ABCA4: variants seen among roughly 807,000 people sequenced by gnomAD.
ABCA4 encodes the protein retinal-specific phospholipid-transporting ATPase ABCA4.
In ABCA4, 196 loss-of-function variants were observed where a neutral mutation model predicts 263.7. That is an observed-to-expected ratio of 0.74 (90% CI 0.66 to 0.84). The LOEUF (loss-of-function observed/expected upper bound fraction) is 0.84, where lower values mean the gene tolerates loss of function less well. ABCA4 is among the 40% of genes least tolerant of loss of function. The pLI, the probability that ABCA4 is intolerant of heterozygous loss-of-function variation, is 0.00. For missense variants in ABCA4, 2,792 were observed against 2,855.1 expected (o/e 0.98, Z 0.50); for synonymous variants, 1,133 against 1,094.2 (o/e 1.04, Z -0.70).
At chr1:94,050,025 A>C (rs1660790680) in intron 17 of ABCA4, among the ~76,000 whole-genome samples, 1 of 152,198 alleles carries the variant, frequency 6.6e-6, no homozygotes, top group South Asian at 2.1e-4. Flanking sequence ...ATACAGGAGC[A>C]GGGCGAGATT....
At chr1:94,103,172 G>A (rs1211037419) in intron 4 of ABCA4, 30 bp from the exon 5 acceptor site, 1 of 1,612,670 alleles carries the variant, frequency 6.2e-7, no homozygotes, top group Middle Eastern at 1.7e-4. Context: ...AGAACAGGGT[G>A]TTGAAGGGGA....
chr1:94,053,553 A>G (rs1660895824), intron 16 of ABCA4, among the ~76,000 whole-genome samples: 1 of 152,238 alleles, frequency 6.6e-6, no homozygotes, highest in South Asian at 2.1e-4. Context: ...GGAGCAAGGT[A>G]GGCACCTAAT....
chr1:94,021,344 G>T lies in ABCA4; in HGVS notation c.4914C>A (p.Ile1638=), dbSNP rs778253491. Residue 1638 remains isoleucine (I), a synonymous_variant, in exon 35 of 50, where the codon ATC becomes ATA. Transcript: ENST00000370225. Reference sequence around the variant, plus strand: ...TGTCCTTAGGCAGGCTGGCCCGTAAGATGGCGTTGTGGGCCACATTGAGAA... The same window carrying T: ...TGTCCTTAGGCAGGCTGGCCCGTAATATGGCGTTGTGGGCCACATTGAGAA... ...VSFLNVAHNA[I]LRASLPKDRS... 6.2e-7 allele frequency: 1 copy of T among 1,614,232 alleles called. No homozygotes were observed. The highest frequency in any genetic ancestry group is 1.1e-5 in the South Asian group (1 of 91,080).
intron 11 of ABCA4, among the ~76,000 whole-genome samples, chr1:94,076,835 A>T (rs1661548650): frequency 6.6e-6 from 1 of 152,224 alleles, no homozygotes; most frequent in Non-Finnish European, 1.5e-5. Flanking sequence ...TAGTCCTCAG[A>T]GAGCCTGGAA....
intron 6 of ABCA4, among the ~76,000 whole-genome samples, chr1:94,096,568 G>C (rs1370195490): frequency 6.6e-6 from 1 of 152,128 alleles, no homozygotes; most frequent in Admixed American, 6.5e-5. Context: ...GGTAGCCCAG[G>C]GTTTGTGAAT....
intron 49 of ABCA4, 141 bp from the exon 50 acceptor site, chr1:93,993,383 C>T: frequency 9.5e-7 from 1 of 1,051,522 alleles, no homozygotes; most frequent in South Asian, 1.3e-5. Flanking sequence ...GTCAGATCAC[C>T]CAGGTTATGG....
At chr1:93,999,496 C>T (rs905196639) in intron 47 of ABCA4, among the ~76,000 whole-genome samples, 9 of 152,144 alleles carry the variant, frequency 5.9e-5, no homozygotes, top group African/African-American at 2.2e-4. Context: ...CTTCCTGAAA[C>T]AATGGAGCTG....
intron 21 of ABCA4, 55 bp downstream of exon 21, chr1:94,043,281 C>G (rs1660568514): frequency 1.2e-6 from 2 of 1,612,868 alleles, no homozygotes; most frequent in South Asian, 2.2e-5. Flanking sequence ...CCTGGGTGCA[C>G]TGGGGAGCCA....
intron 11 of ABCA4, among the ~76,000 whole-genome samples, chr1:94,068,536 C>T (rs1205064147): frequency 2.6e-5 from 4 of 152,138 alleles, no homozygotes; most frequent in Admixed American, 6.5e-5. Flanking sequence ...TACATAAGTA[C>T]GTTTGGGAGA....
At chr1:94,010,069 T>G (rs1659504576) in intron 40 of ABCA4, among the ~76,000 whole-genome samples, 1 of 152,212 alleles carries the variant, frequency 6.6e-6, no homozygotes, top group Non-Finnish European at 1.5e-5. Context: ...TTGGAATCTA[T>G]TTACAGGTGA....
rs1486373212 is a variant in ABCA4, at chr1:94,008,807, T to G, written c.5779A>C (p.Arg1927=). The G allele has an allele frequency of 6.2e-7, 1 of 1,613,932 alleles. No individual in the cohort carries two copies. ...EDDDVAEERQ[R]IITGGNKTDI... is the part of the protein sequence containing the mutation. ...GTTTTATTTCCACCAGTAATAATTC[T>G]TTGTCTTTCTTCAGCCACATCATCA... Residue 1927 remains arginine (R), a synonymous_variant, in exon 41 of 50, where the codon AGA becomes CGA. Transcript: ENST00000370225.
At position 94,080,660 on chromosome 1, in the gene ABCA4, T is replaced by C. The variant is rs1661669604; in HGVS notation, c.917A>G (p.Asn306Ser). The C allele has an allele frequency of 1.1e-5, 18 of 1,614,028 alleles. No individual in the cohort carries two copies. Among genetic ancestry groups the C allele is most frequent in the Non-Finnish European group, 1.4e-5 (17 of 1,180,044 alleles). Residue 306 changes from asparagine to serine, a missense_variant, in exon 8 of 50, where the codon AAT becomes AGT. Asn to Ser is a conservative substitution (Grantham distance 46, BLOSUM62 1). Coordinates refer to ENST00000370225, the MANE Select transcript of ABCA4 (RefSeq NM_000350.3). ...CTTTGTAAAGGTCTCTGGACCACCA[T>C]TCTGCATGAGGGGCCTGGTCACCCA... Reference protein sequence around the residue: ...LLWVTRPLMQNGGPETFTKLM... With the variant: ...LLWVTRPLMQSGGPETFTKLM...
At position 94,015,721 on chromosome 1, in the gene ABCA4, A is replaced by T. The variant is rs1176230117; in HGVS notation, c.5312+18T>A. 6.2e-7 allele frequency: 1 copy of T among 1,602,268 alleles called. No individual in the cohort carries two copies. Among genetic ancestry groups the T allele is most frequent in the African/African-American group, 1.3e-5 (1 of 74,616 alleles). On this transcript the variant is annotated intron_variant, in intron 37 of 49. Coordinates refer to ENST00000370225, the MANE Select transcript of ABCA4 (RefSeq NM_000350.3). ...GGCTTCTCTTCAGAGGCATTAGCTAATGGCCCAAACGGCTTACCCATACAG... is the reference window on the plus strand; with the variant it reads ...GGCTTCTCTTCAGAGGCATTAGCTATTGGCCCAAACGGCTTACCCATACAG...
chr1:94,000,999 T>C lies in ABCA4; in HGVS notation c.6386+3A>G. The C allele has an allele frequency of 6.2e-7, 1 of 1,614,152 alleles. No individual in the cohort carries two copies. The highest frequency in any genetic ancestry group is 2.2e-5 in the East Asian group (1 of 44,880). ...ACCTTCCCCAGCCCTGGGAATCTCT[T>C]GCCTGTGGGATGTGAGGACCACAGC... On this transcript the variant is annotated splice_donor_region_variant and intron_variant, in intron 46 of 49. Coordinates refer to ENST00000370225, the MANE Select transcript of ABCA4 (RefSeq NM_000350.3).
intron 17 of ABCA4, among the ~76,000 whole-genome samples, chr1:94,049,348 G>A (rs963404180): frequency 6.6e-6 from 1 of 152,220 alleles, no homozygotes; most frequent in South Asian, 2.1e-4. Context: ...TTCAGGGGCC[G>A]GATGTGGTGG....
At chr1:94,060,451 A>G (rs1305550034) in intron 14 of ABCA4, 86 bp downstream of exon 14, 6 of 1,292,498 alleles carry the variant, frequency 4.6e-6, no homozygotes, top group Non-Finnish European at 6.7e-6. Context: ...TGGTGGCCAC[A>G]TGACTAATCC....
At chr1:94,045,578 T>G in intron 19 of ABCA4, 1 of 369,974 alleles carries the variant, frequency 2.7e-6, no homozygotes, top group East Asian at 7.3e-5. Flanking sequence ...CCATATCAGT[T>G]AGCATGGAGA....
intron 42 of ABCA4, 139 bp downstream of exon 42, chr1:94,008,096 G>T (rs1659445016): frequency 1.2e-6 from 1 of 801,768 alleles, no homozygotes; most frequent in Non-Finnish European, 2.1e-6. Flanking sequence ...CATGTGGCTA[G>T]TGGAAGATTT....
intron 6 of ABCA4, among the ~76,000 whole-genome samples, chr1:94,091,688 C>T (rs1239192883): frequency 6.6e-6 from 1 of 152,058 alleles, no homozygotes; most frequent in African/African-American, 2.4e-5. Flanking sequence ...TTCCATGTCA[C>T]ACATCACAAC....
Sources: allele counts gnomAD v4.1 joint callset (sites outside exome capture counted in the v4.1 genomes callset), GRCh38; gene constraint gnomAD v4.1.1; transcripts MANE v1.5; gene names NCBI Gene and HGNC (gene_info 2026-07-23, HGNC 2026-07-21).